The following HAPLN1 variants were observed in gnomAD, a reference collection of about 807,000 sequenced individuals.
The protein encoded by HAPLN1 is Cartilage link protein.
A neutral mutation model predicts 36.5 loss-of-function variants in HAPLN1; 13 were observed. That is an observed-to-expected ratio of 0.36 (90% CI 0.23 to 0.57). The LOEUF is 0.57. HAPLN1 is among the 20% of genes least tolerant of loss of function. HAPLN1 has a pLI of 0.83. For missense variants in HAPLN1, 407 were observed against 439.7 expected, an observed-to-expected ratio of 0.93 and a Z score of 0.66; for synonymous variants, 202 against 169.8, an observed-to-expected ratio of 1.19 and a Z score of -1.48.
chr5:83,707,404 G>T (rs1278411905), intron 1 of HAPLN1, among the ~76,000 whole-genome samples: 2 of 152,142 alleles, frequency 1.3e-5, no homozygotes, highest in Non-Finnish European at 2.9e-5. Flanking sequence ...CAATGGAACA[G>T]AATAGAAAGT....
intron 1 of HAPLN1, among the ~76,000 whole-genome samples, chr5:83,683,568 A>G (rs960056743): frequency 6.6e-6 from 1 of 152,204 alleles, no homozygotes. Context: ...GTGACCTTTG[A>G]ATAATCTCTT....
chr5:83,678,235 G>GTGTT (rs1383773053), intron 1 of HAPLN1, among the ~76,000 whole-genome samples: 1 of 151,684 alleles, frequency 6.6e-6, no homozygotes. Flanking sequence ...GTGTGTGTGT[G>GTGTT]TGTGTGTGTG....
In HAPLN1 at chr5:83,650,735, C is replaced by T. The variant is rs571592742; in HGVS notation, c.472+1718G>A. ...CTGCAAGCTCTGCCTCCTGGGTTCA[C>T]GCCATTTTCCTGCCTCAGCTTCCCG... On this transcript the variant is annotated intron_variant, in intron 3 of 4. Coordinates refer to ENST00000274341, the MANE Select transcript of HAPLN1 (RefSeq NM_001884.4). 1.0e-4 allele frequency among the ~76,000 whole-genome samples: 15 copies of T among 150,192 alleles called. No homozygotes were observed. The South Asian group carries it at 1.7e-3, about 17-fold the overall frequency.
intron 2 of HAPLN1, among the ~76,000 whole-genome samples, chr5:83,653,942 C>T (rs552140667): frequency 6.6e-6 from 1 of 152,356 alleles, no homozygotes; most frequent in Non-Finnish European, 1.5e-5. Context: ...CTATACACAG[C>T]TTTTAATAGC....
At chr5:83,680,596 A>G (rs1750976127) in intron 1 of HAPLN1, among the ~76,000 whole-genome samples, 1 of 152,190 alleles carries the variant, frequency 6.6e-6, no homozygotes, top group Non-Finnish European at 1.5e-5. Context: ...AAGTCAATAA[A>G]TAAATATTAA....
chr5:83,668,734 T>C (rs561801974), intron 2 of HAPLN1, among the ~76,000 whole-genome samples: 1 of 152,362 alleles, frequency 6.6e-6, no homozygotes, highest in East Asian at 1.9e-4. Flanking sequence ...GCACCTACTA[T>C]GTGCCTGGCA....
chr5:83,669,870 G>A (rs1378760577), intron 2 of HAPLN1, among the ~76,000 whole-genome samples: 1 of 152,104 alleles, frequency 6.6e-6, no homozygotes, highest in Non-Finnish European at 1.5e-5. Context: ...TTTTACAGAG[G>A]GGTAACTGGG....
intron 3 of HAPLN1, among the ~76,000 whole-genome samples, chr5:83,651,254 C>T (rs879617617): frequency 6.6e-5 from 10 of 152,270 alleles, no homozygotes; most frequent in Non-Finnish European, 1.2e-4. Context: ...AGAGCTGAGG[C>T]GAACCTAAGC....
intron 1 of HAPLN1, among the ~76,000 whole-genome samples, chr5:83,708,370 A>G (rs1751700380): frequency 6.6e-6 from 1 of 152,256 alleles, no homozygotes. Context: ...ACCATGGAAT[A>G]CTATGCAGCC....
At chr5:83,677,265 C>G (rs17206110) in intron 1 of HAPLN1, among the ~76,000 whole-genome samples, 9,707 of 152,170 alleles carry the variant, frequency 0.064, 385 homozygotes, top group South Asian at 0.099. Flanking sequence ...GGTGAGGTAC[C>G]CAGCATGTAC....
At chr5:83,652,367 G>A (rs1750089719) in intron 3 of HAPLN1, 86 bp downstream of exon 3, 1 of 1,373,714 alleles carries the variant, frequency 7.3e-7, no homozygotes, top group Middle Eastern at 2.7e-4. Flanking sequence ...TTATTACTGT[G>A]TTAACCACTA....
intron 1 of HAPLN1, chr5:83,673,837 G>T: frequency 7.6e-6 from 2 of 262,158 alleles, no homozygotes; most frequent in Non-Finnish European, 1.4e-5. Flanking sequence ...ATTACAGCAA[G>T]TAACAAAGAG....
rs534123894 is a variant in HAPLN1, at chr5:83,648,611, T to G, written c.472+3842A>C. ...AGTGTAAATAGCATTTAAGCTGGTATTAAAGGACCAACTCAATTAAAGATA... is the reference window on the plus strand; with the variant it reads ...AGTGTAAATAGCATTTAAGCTGGTAGTAAAGGACCAACTCAATTAAAGATA... On this transcript the variant is annotated intron_variant, in intron 3 of 4. Transcript: ENST00000274341. Among the ~76,000 whole-genome samples the G allele has an allele frequency of 2.0e-5, 3 of 151,780 alleles. No individual in the cohort carries two copies. In the South Asian group the frequency reaches 6.2e-4, roughly 32 times the overall value.
intron 1 of HAPLN1, among the ~76,000 whole-genome samples, chr5:83,678,722 G>A (rs1339571987): frequency 1.3e-5 from 2 of 152,082 alleles, no homozygotes; most frequent in African/African-American, 4.8e-5. Flanking sequence ...TGAGGGGATT[G>A]TAAGAGAGGT....
intron 1 of HAPLN1, among the ~76,000 whole-genome samples, chr5:83,686,498 T>A (rs932406207): frequency 6.6e-6 from 1 of 152,222 alleles, no homozygotes; most frequent in Non-Finnish European, 1.5e-5. Context: ...CTTATCTTAG[T>A]TGGCAATAGT....
chr5:83,653,121 T>G (rs971311045), intron 2 of HAPLN1, among the ~76,000 whole-genome samples: 1 of 152,174 alleles, frequency 6.6e-6, no homozygotes, highest in African/African-American at 2.4e-5. Context: ...TAAATTCTAT[T>G]TATTATTGTT....
At chr5:83,672,876 C>T (rs1409755576) in intron 2 of HAPLN1, among the ~76,000 whole-genome samples, 2 of 152,182 alleles carry the variant, frequency 1.3e-5, no homozygotes, top group Non-Finnish European at 2.9e-5. Context: ...TCAAATCCTG[C>T]TACAGCTCTC....
chr5:83,665,376 T>TG (rs1179790617), intron 2 of HAPLN1, among the ~76,000 whole-genome samples: 2 of 152,214 alleles, frequency 1.3e-5, no homozygotes, highest in Non-Finnish European at 2.9e-5. Flanking sequence ...TCCTTTCACC[T>TG]GCTCTTTCTC....
chr5:83,694,777 C>CA (rs1190629862), intron 1 of HAPLN1, among the ~76,000 whole-genome samples: 1 of 151,762 alleles, frequency 6.6e-6, no homozygotes, highest in African/African-American at 2.4e-5. Flanking sequence ...CAAAAATGAA[C>CA]AAAAAAATAA....
Sources: allele counts gnomAD v4.1 joint callset (sites outside exome capture counted in the v4.1 genomes callset), GRCh38; gene constraint gnomAD v4.1.1; transcripts MANE v1.5; gene names NCBI Gene and HGNC (gene_info 2026-07-23, HGNC 2026-07-21).